Variants in AP1S3 observed in about 807,000 individuals in gnomAD.
The protein encoded by AP1S3 is adaptor related protein complex 1 subunit sigma 3, also known as AP-1 complex subunit sigma-3.
In AP1S3, 10 loss-of-function variants were observed where a neutral mutation model predicts 20.9. That is an observed-to-expected ratio of 0.48 (90% CI 0.29 to 0.81). The LOEUF (loss-of-function observed/expected upper bound fraction) is 0.81. AP1S3 is among the 30% of genes least tolerant of loss of function. The probability of loss-of-function intolerance (pLI) is 0.08; values close to 1 mark genes in which losing one functional copy is unlikely to be tolerated. For missense variants in AP1S3, 154 were observed against 183.8 expected (o/e 0.84, Z 0.94); for synonymous variants, 41 against 61.5 (o/e 0.67, Z 1.56).
At chr2:223,820,669 A>G (rs553770166) in intron 1 of AP1S3, among the ~76,000 whole-genome samples, 236 of 62,362 alleles carry the variant, frequency 3.8e-3, no homozygotes, top group African/African-American at 0.014. Context: ...AAACTAGGAG[A>G]AAAAAAAAAA....
intron 1 of AP1S3, among the ~76,000 whole-genome samples, chr2:223,785,061 A>G (rs538963241): frequency 1.3e-5 from 2 of 152,084 alleles, no homozygotes; most frequent in Non-Finnish European, 2.9e-5. Context: ...TTTAAAAAAG[A>G]TGGCCAGGTG....
At chr2:223,801,941 A>G (rs1691476904) in intron 1 of AP1S3, among the ~76,000 whole-genome samples, 1 of 152,262 alleles carries the variant, frequency 6.6e-6, no homozygotes, top group Admixed American at 6.5e-5. Context: ...CACAGAAGTG[A>G]CAATAAAATA....
At chr2:223,780,538 C>T (rs1173634725) in intron 1 of AP1S3, among the ~76,000 whole-genome samples, 4 of 151,532 alleles carry the variant, frequency 2.6e-5, no homozygotes, top group African/African-American at 7.3e-5. Flanking sequence ...TGATTCCCCC[C>T]ACCTTGGCCT....
At chr2:223,784,212 G>A (rs571766876) in intron 1 of AP1S3, among the ~76,000 whole-genome samples, 2 of 152,174 alleles carry the variant, frequency 1.3e-5, no homozygotes, top group East Asian at 1.9e-4. Context: ...GACCCTCCAC[G>A]TACCTCTCAA....
intron 1 of AP1S3, among the ~76,000 whole-genome samples, chr2:223,827,588 G>T (rs1214688175): frequency 6.6e-6 from 1 of 151,828 alleles, no homozygotes; most frequent in Non-Finnish European, 1.5e-5. Flanking sequence ...GCTTTACCAT[G>T]TTGGCCTGGC....
At chr2:223,794,739 G>A (rs1475954210) in intron 1 of AP1S3, among the ~76,000 whole-genome samples, 3 of 152,120 alleles carry the variant, frequency 2.0e-5, no homozygotes, top group South Asian at 4.1e-4. Context: ...TTATCCTGAC[G>A]TCCTTCCTCT....
chr2:223,782,997 T>TA (rs1188396336), intron 1 of AP1S3, among the ~76,000 whole-genome samples: 2 of 152,068 alleles, frequency 1.3e-5, no homozygotes, highest in East Asian at 1.9e-4. Flanking sequence ...AAAAGGTTAA[T>TA]AAAAAATACC....
rs77506056 is a variant in AP1S3 at position 223,755,877 on chromosome 2, C to T, written c.*2838G>A. ...GTGACACTGATTGAAGTCTGAGAAGCCCTGTCCATAACTAAAGTGTCTAAT... is the reference window on the plus strand; with the variant it reads ...GTGACACTGATTGAAGTCTGAGAAGTCCTGTCCATAACTAAAGTGTCTAAT... On this transcript the variant is annotated 3_prime_UTR_variant, in exon 5 of 5. Coordinates refer to ENST00000396654, the MANE Select transcript of AP1S3 (RefSeq NM_001039569.2). 42,295 of 985,316 alleles carry T rather than the reference C, an allele frequency of 0.043. 1,001 individuals are homozygous for T. The highest frequency in any genetic ancestry group is 0.048 in the Non-Finnish European group (39,977 of 829,870). The allele number at this position is 985,316 out of a possible 1,614,324, so 61.0% of individuals were successfully genotyped here.
rs1287915601 is a variant in AP1S3, at chr2:223,755,530, T to G, written c.*3185A>C. 1.2e-3 allele frequency among the ~76,000 whole-genome samples: 1 copy of G among 834 alleles called. No homozygotes were observed. 0.5% of individuals were successfully genotyped at this position (834 alleles called of 152,430 possible). ...ATATAGATATGTTTACTTACTTTCA[T>G]TTTTTTTTTTTTTTTTTTGAGACAG... On this transcript the variant is annotated 3_prime_UTR_variant, in exon 5 of 5. Coordinates refer to ENST00000396654, the MANE Select transcript of AP1S3 (RefSeq NM_001039569.2).
At chr2:223,783,815 C>G (rs1434137693) in intron 1 of AP1S3, among the ~76,000 whole-genome samples, 1 of 152,186 alleles carries the variant, frequency 6.6e-6, no homozygotes, top group Non-Finnish European at 1.5e-5. Flanking sequence ...ATCTCAGGAC[C>G]TGAGCTGCTC....
At chr2:223,823,385 A>G (rs1366907238) in intron 1 of AP1S3, among the ~76,000 whole-genome samples, 1 of 152,258 alleles carries the variant, frequency 6.6e-6, no homozygotes, top group African/African-American at 2.4e-5. Context: ...GTATATATAC[A>G]CAATGGAATA....
intron 4 of AP1S3, among the ~76,000 whole-genome samples, chr2:223,759,833 T>C (rs581667): frequency 0.03 from 4,605 of 152,226 alleles, 138 homozygotes; most frequent in East Asian, 0.16. Context: ...TGTGTTCTCA[T>C]CATTTAGCTC....
At chr2:223,810,558 C>T (rs1028707485) in intron 1 of AP1S3, among the ~76,000 whole-genome samples, 1 of 152,222 alleles carries the variant, frequency 6.6e-6, no homozygotes, top group Non-Finnish European at 1.5e-5. Flanking sequence ...ATCCACCCAC[C>T]TTGTCCTCCC....
chr2:223,819,052 C>T (rs971980777), intron 1 of AP1S3, among the ~76,000 whole-genome samples: 3 of 152,156 alleles, frequency 2.0e-5, no homozygotes, highest in African/African-American at 7.2e-5. Context: ...CATATTTTTT[C>T]AGGGCCTTTT....
intron 1 of AP1S3, among the ~76,000 whole-genome samples, chr2:223,830,231 C>T (rs1389387006): frequency 2.6e-5 from 4 of 151,908 alleles, no homozygotes; most frequent in Admixed American, 6.6e-5. Flanking sequence ...ATAATCCTAG[C>T]ACTTTGGGAG....
At chr2:223,813,692 C>A (rs1285129605) in intron 1 of AP1S3, among the ~76,000 whole-genome samples, 2 of 152,170 alleles carry the variant, frequency 1.3e-5, no homozygotes, top group African/African-American at 4.8e-5. Context: ...AAGACATTTT[C>A]TAAAAGTTGA....
chr2:223,821,058 T>C lies in AP1S3; in HGVS notation c.3+16390A>G, dbSNP rs1320861120. On this transcript the variant is annotated intron_variant, in intron 1 of 4. Coordinates refer to ENST00000396654, the MANE Select transcript of AP1S3 (RefSeq NM_001039569.2). ...TTCCATGCTCTTGAGAGAAACCCTC[T>C]ATTTAGAATGACATCCAAGCTGCTC... Among the ~76,000 whole-genome samples, 4 of 152,216 alleles carry C rather than the reference T, an allele frequency of 2.6e-5. No individual in the cohort carries two copies. The East Asian group carries it at 7.7e-4, about 29-fold the overall frequency.
At chr2:223,786,838 G>C (rs1691089562) in intron 1 of AP1S3, among the ~76,000 whole-genome samples, 1 of 152,082 alleles carries the variant, frequency 6.6e-6, no homozygotes, top group Non-Finnish European at 1.5e-5. Flanking sequence ...CCAGGAGGTG[G>C]AGGCTGCAGT....
intron 1 of AP1S3, among the ~76,000 whole-genome samples, chr2:223,822,955 A>G (rs1430095330): frequency 6.6e-6 from 1 of 152,206 alleles, no homozygotes; most frequent in Non-Finnish European, 1.5e-5. Flanking sequence ...TGAAAAAAAG[A>G]TATACAGATG....
Sources: allele counts gnomAD v4.1 joint callset (sites outside exome capture counted in the v4.1 genomes callset), GRCh38; gene constraint gnomAD v4.1.1; transcripts MANE v1.5; gene names NCBI Gene and HGNC (gene_info 2026-07-23, HGNC 2026-07-21).